LYPLA1: variants seen among roughly 807,000 people sequenced by gnomAD.
The protein encoded by LYPLA1 is acyl-protein thioesterase 1.
In LYPLA1, 17 loss-of-function variants were observed where a neutral mutation model predicts 34.0. That is an observed-to-expected ratio of 0.50 (90% confidence interval 0.34 to 0.75). The LOEUF is 0.75. Ranked by LOEUF, LYPLA1 falls within the 30% of genes least tolerant of loss-of-function variation. The probability of loss-of-function intolerance (pLI) is 0.01; values close to 1 mark genes in which losing one functional copy is unlikely to be tolerated. For synonymous variants in LYPLA1, 98 were observed against 100.8 expected, an observed-to-expected ratio of 0.97 and a Z score of 0.17; for missense variants, 203 against 288.8, an observed-to-expected ratio of 0.70 and a Z score of 2.15.
intron 2 of LYPLA1, among the ~76,000 whole-genome samples, chr8:54,098,717 T>TAAAAA: frequency 6.6e-6 from 1 of 152,286 alleles, no homozygotes; most frequent in East Asian, 1.9e-4. Context: ...AAGAATGGTG[T>TAAAAA]ACAATTTTAA....
chr8:54,101,695 G>A, intron 1 of LYPLA1, 60 bp downstream of exon 1: 2 of 1,231,654 alleles, frequency 1.6e-6, no homozygotes, highest in Admixed American at 4.0e-5. Context: ...CCCCGCGCGA[G>A]GGGCAACCAC....
chr8:54,065,967 C>T (rs1277257308), intron 2 of LYPLA1, among the ~76,000 whole-genome samples, 154 bp from the exon 3 acceptor site: 1 of 152,064 alleles, frequency 6.6e-6, no homozygotes, highest in Non-Finnish European at 1.5e-5. Context: ...GATGGCGTCT[C>T]GCTCTGTCGC....
At chr8:54,059,785 G>T (rs1563578944) in intron 5 of LYPLA1, among the ~76,000 whole-genome samples, 1 of 152,144 alleles carries the variant, frequency 6.6e-6, no homozygotes, top group Non-Finnish European at 1.5e-5. Flanking sequence ...AGCCAGGCAT[G>T]GTGGCACATG....
rs1810184031 is a variant in LYPLA1 at position 54,101,797 on chromosome 8, C to A, written c.27G>T (p.Pro9=). 1 of 1,293,604 alleles carries A rather than the reference C, an allele frequency of 7.7e-7. No homozygotes were observed. The highest frequency in any genetic ancestry group is 3.0e-5 in the South Asian group (1 of 33,362). The allele number at this position is 1,293,604 out of a possible 1,614,324, so 80.1% of individuals were successfully genotyped here. MCGNNMST[P]LPAIVPAARK... is the part of the protein sequence containing the mutation. ...GGGCGGCGGGCACGATGGCGGGCAGCGGGGTTGACATGTTATTGCCGCACA... is the reference window on the plus strand; with the variant it reads ...GGGCGGCGGGCACGATGGCGGGCAGAGGGGTTGACATGTTATTGCCGCACA... The change falls in exon 1 of 9, where the codon CCG becomes CCT. Residue 9 remains proline (P), a synonymous_variant. Coordinates refer to ENST00000316963, the MANE Select transcript of LYPLA1 (RefSeq NM_006330.4).
intron 1 of LYPLA1, chr8:54,101,337 C>T (rs1419364690): frequency 6.5e-6 from 7 of 1,077,138 alleles, no homozygotes; most frequent in Non-Finnish European, 6.7e-6. Flanking sequence ...TTCTAAAAAA[C>T]AGTACGTCTG....
Position 54,051,101 on chromosome 8 carries a change from G to C in LYPLA1, c.550C>G (p.Leu184Val). The C allele has an allele frequency of 6.2e-7, 1 of 1,614,004 alleles. No individual in the cohort carries two copies. Among genetic ancestry groups the C allele is most frequent in the Admixed American group, 1.7e-5 (1 of 59,994 alleles). ...DPLVPLMFGS[L>V]TVEKLKTLVN... ...AATGTTTTTAGTTTTTCCACCGTAA[G>C]AGAACCAAACATCAGGGGAACCAAA... The change falls in exon 8 of 9, where the codon CTT becomes GTT. Residue 184 changes from leucine (L) to valine (V), a missense_variant. Physicochemically the swap from Leu to Val is conservative, Grantham distance 32. This residue lies in a region of LYPLA1 where 123 missense variants were observed against 199.2 expected (regional missense o/e 0.62). Transcript: ENST00000316963.
intron 5 of LYPLA1, among the ~76,000 whole-genome samples, chr8:54,055,430 C>T (rs1177288904): frequency 1.3e-5 from 2 of 151,958 alleles, no homozygotes; most frequent in African/African-American, 2.4e-5. Context: ...CTATAAAACA[C>T]TGATGAAAGA....
At chr8:54,087,637 C>A (rs768914254) in intron 2 of LYPLA1, among the ~76,000 whole-genome samples, 1 of 152,198 alleles carries the variant, frequency 6.6e-6, no homozygotes, top group African/African-American at 2.4e-5. Context: ...AGTCTAGTGT[C>A]CAGACAATAT....
intron 2 of LYPLA1, among the ~76,000 whole-genome samples, chr8:54,068,909 C>CA (rs2129338611): frequency 6.6e-6 from 1 of 152,124 alleles, no homozygotes; most frequent in African/African-American, 2.4e-5. Context: ...AAAATGTTTG[C>CA]AAATCACATC....
intron 5 of LYPLA1, among the ~76,000 whole-genome samples, chr8:54,058,652 T>C (rs1000614313): frequency 1.3e-5 from 2 of 151,942 alleles, no homozygotes; most frequent in African/African-American, 4.8e-5. Flanking sequence ...AGGGTCTCAC[T>C]CTGTTGCTGA....
chr8:54,096,336 A>G lies in LYPLA1; in HGVS notation c.101+4572T>C, dbSNP rs549418564. On this transcript the variant is annotated intron_variant, in intron 2 of 8. Coordinates refer to ENST00000316963, the MANE Select transcript of LYPLA1 (RefSeq NM_006330.4). ...GAGTCCAGGCATGACACAGTGGTTC[A>G]TGCCTGTAATTCCAGGGAGGGACTG... is the stretch of plus-strand genomic sequence containing the variant. Among the ~76,000 whole-genome samples the G allele has an allele frequency of 1.1e-4, 16 of 152,348 alleles. 1 individual carries two copies. The highest frequency in any genetic ancestry group is 1.0e-3 in the Admixed American group (16 of 15,300).
intron 8 of LYPLA1, among the ~76,000 whole-genome samples, chr8:54,049,080 G>A (rs1190947658): frequency 6.6e-6 from 1 of 152,170 alleles, no homozygotes; most frequent in Non-Finnish European, 1.5e-5. Context: ...ATTCAACACT[G>A]TAATACTCTA....
intron 6 of LYPLA1, chr8:54,053,015 C>T: frequency 2.5e-6 from 1 of 392,488 alleles, no homozygotes; most frequent in South Asian, 8.6e-5. Context: ...TACAACATGC[C>T]TTACGAATAT....
chr8:54,090,100 T>C (rs1304808249), intron 2 of LYPLA1, among the ~76,000 whole-genome samples: 1 of 152,216 alleles, frequency 6.6e-6, no homozygotes, highest in Non-Finnish European at 1.5e-5. Flanking sequence ...GAAAAGCAGA[T>C]GTTCATAGCT....
At chr8:54,062,865 G>A (rs1333017822) in intron 4 of LYPLA1, among the ~76,000 whole-genome samples, 1 of 152,088 alleles carries the variant, frequency 6.6e-6, no homozygotes, top group African/African-American at 2.4e-5. Flanking sequence ...GAACAGTTAG[G>A]AAAAATCATA....
rs1241980669 is a variant in LYPLA1, at chr8:54,097,062, C to T, written c.101+3846G>A. Among the ~76,000 whole-genome samples the T allele has an allele frequency of 3.3e-5, 5 of 152,170 alleles. No individual in the cohort carries two copies. In the East Asian group the frequency reaches 9.6e-4, roughly 29 times the overall value. On this transcript the variant is annotated intron_variant, in intron 2 of 8. Transcript: ENST00000316963. ...ACACTGTAGAAATGATTGACTCAAG[C>T]AATTATCAATGGATGATAAAAATAT...
rs1214870591 is a variant in LYPLA1, at chr8:54,059,586, G to A, written c.286+2668C>T. Reference sequence around the variant, plus strand: ...CCCAAAGTGCTGGGATTACAGGCGTGAGCCACCGCGCCCGGCCATTTTCCC... The same window carrying A: ...CCCAAAGTGCTGGGATTACAGGCGTAAGCCACCGCGCCCGGCCATTTTCCC... On this transcript the variant is annotated intron_variant, in intron 5 of 8. Transcript: ENST00000316963. Among the ~76,000 whole-genome samples the A allele has an allele frequency of 4.1e-5, 3 of 73,114 alleles. 1 individual carries two copies. Among genetic ancestry groups the A allele is most frequent in the African/African-American group, 2.6e-4 (2 of 7,636 alleles). 48.0% of individuals were successfully genotyped at this position (73,114 alleles called of 152,430 possible). A position where few individuals can be genotyped will look rare whatever the true frequency, so the allele number is the denominator to read the frequency against.
intron 5 of LYPLA1, among the ~76,000 whole-genome samples, chr8:54,058,079 A>C (rs1198172533): frequency 1.3e-5 from 2 of 152,188 alleles, no homozygotes; most frequent in Non-Finnish European, 2.9e-5. Context: ...GCTCATATAT[A>C]TTCCATGTTT....
chr8:54,087,221 A>C (rs1053038864), intron 2 of LYPLA1, among the ~76,000 whole-genome samples: 1 of 152,268 alleles, frequency 6.6e-6, no homozygotes, highest in African/African-American at 2.4e-5. Flanking sequence ...TCAAAAAGGT[A>C]TATTTCTATA....
Sources: gnomAD v4.1 joint callset for allele counts (sites outside exome capture counted in the v4.1 genomes callset) on GRCh38, gnomAD v4.1.1 for gene constraint, gnomAD v4.1.1 regional missense constraint, MANE v1.5 for transcripts, NCBI Gene and HGNC (gene_info 2026-07-23, HGNC 2026-07-21) for gene names.